Variants in LHFPL3 observed in about 807,000 individuals in gnomAD.
LHFPL3 encodes the protein LHFPL tetraspan subfamily member 3 protein.
Under a neutral mutation model 19.3 loss-of-function variants are expected in LHFPL3, and 5 were observed. That is an observed-to-expected ratio of 0.26 (90% CI 0.14 to 0.54). The LOEUF is 0.54. Among genes scored for constraint, LHFPL3 ranks in the 20% least tolerant of loss-of-function variants. LHFPL3 has a pLI of 0.94. For missense variants in LHFPL3, 249 were observed against 307.4 expected, an observed-to-expected ratio of 0.81 and a Z score of 1.42; for synonymous variants, 133 against 126.2, an observed-to-expected ratio of 1.05 and a Z score of -0.36.
intron 2 of LHFPL3, among the ~76,000 whole-genome samples, chr7:104,836,807 AT>A (rs1484926538): frequency 6.6e-6 from 1 of 152,078 alleles, no homozygotes; most frequent in Non-Finnish European, 1.5e-5. Flanking sequence ...ATATTTGACT[AT>A]TTTGGTTTGT....
intron 2 of LHFPL3, among the ~76,000 whole-genome samples, chr7:104,882,440 G>A (rs1322760964): frequency 6.6e-6 from 1 of 152,054 alleles, no homozygotes; most frequent in East Asian, 1.9e-4. Context: ...TAGAGACAAG[G>A]TTTCATCATG....
rs927912130 is a variant in LHFPL3, at chr7:104,465,023, C to G, written c.445+135799C>G. ...CTTTGCTACTTAGAAATTTCTTCCACCAGATACCCTATATCATCTCTCTCA... is the reference window on the plus strand; with the variant it reads ...CTTTGCTACTTAGAAATTTCTTCCAGCAGATACCCTATATCATCTCTCTCA... On this transcript the variant is annotated intron_variant, in intron 1 of 2. Coordinates refer to ENST00000424859, the MANE Select transcript of LHFPL3 (RefSeq NM_199000.3). Among the ~76,000 whole-genome samples, 3 of 152,182 alleles carry G rather than the reference C, an allele frequency of 2.0e-5. No individual in the cohort carries two copies. In the East Asian group the frequency reaches 5.8e-4, roughly 29 times the overall value.
At chr7:104,420,032 A>G (rs1396060709) in intron 1 of LHFPL3, among the ~76,000 whole-genome samples, 1 of 152,218 alleles carries the variant, frequency 6.6e-6, no homozygotes, top group East Asian at 1.9e-4. Context: ...GAGCTTCACT[A>G]TTAAAGAGCT....
chr7:104,736,233 T>A (rs951358556), intron 1 of LHFPL3, among the ~76,000 whole-genome samples: 3 of 152,228 alleles, frequency 2.0e-5, no homozygotes, highest in African/African-American at 7.2e-5. Context: ...GTACACACTC[T>A]AGTGTTTGCC....
chr7:104,900,894 T>C (rs896583980), intron 2 of LHFPL3, among the ~76,000 whole-genome samples: 2 of 152,244 alleles, frequency 1.3e-5, no homozygotes, highest in Non-Finnish European at 2.9e-5. Flanking sequence ...CAAAGCAGCA[T>C]TGAATGACTT....
chr7:104,899,979 G>A (rs1371142277), intron 2 of LHFPL3, among the ~76,000 whole-genome samples: 4 of 152,200 alleles, frequency 2.6e-5, no homozygotes, highest in African/African-American at 9.6e-5. Context: ...TGATTTGCCT[G>A]CCTTGGCCTC....
intron 2 of LHFPL3, among the ~76,000 whole-genome samples, chr7:104,855,644 G>C (rs577648171): frequency 1.6e-5 from 2 of 124,890 alleles, no homozygotes; most frequent in South Asian, 4.9e-4. Context: ...TTTTTTTTTA[G>C]TCGGAGCCTC....
At position 104,444,891 on chromosome 7, in the gene LHFPL3, G is replaced by A. The variant is rs534105080; in HGVS notation, c.445+115667G>A. ...TAATCCCAGCTACACGGGAGGCTAA[G>A]GCAGGAGAATCGCTTGAACCTGGGA... On this transcript the variant is annotated intron_variant, in intron 1 of 2. Coordinates refer to ENST00000424859, the MANE Select transcript of LHFPL3 (RefSeq NM_199000.3). Among the ~76,000 whole-genome samples, 4 of 152,246 alleles carry A rather than the reference G, an allele frequency of 2.6e-5. No homozygotes were observed. In the South Asian group the frequency reaches 8.3e-4, roughly 32 times the overall value.
intron 2 of LHFPL3, among the ~76,000 whole-genome samples, chr7:104,775,856 T>TC (rs1794628211): frequency 1.3e-5 from 2 of 151,630 alleles, no homozygotes; most frequent in Admixed American, 1.3e-4. Context: ...TTCTGTCTTT[T>TC]TTTTTTTTCT....
At chr7:104,623,491 A>G (rs6950457) in intron 1 of LHFPL3, among the ~76,000 whole-genome samples, 137,691 of 152,132 alleles carry the variant, frequency 0.91, 62,780 homozygotes, top group Non-Finnish European at 0.96. Context: ...CTAGCCGGGC[A>G]TGGTGGTGCA....
chr7:104,839,810 C>G (rs565255569), intron 2 of LHFPL3, among the ~76,000 whole-genome samples: 1 of 152,246 alleles, frequency 6.6e-6, no homozygotes, highest in African/African-American at 2.4e-5. Flanking sequence ...CTCATATTAC[C>G]TGATGGGTGT....
chr7:104,667,201 T>C (rs1205753717), intron 1 of LHFPL3, among the ~76,000 whole-genome samples: 1 of 151,628 alleles, frequency 6.6e-6, no homozygotes, highest in Non-Finnish European at 1.5e-5. Flanking sequence ...TGATTTTTGA[T>C]GAAACTTTTC....
At chr7:104,528,208 G>T (rs1562926496) in intron 1 of LHFPL3, among the ~76,000 whole-genome samples, 1 of 152,166 alleles carries the variant, frequency 6.6e-6, no homozygotes, top group Non-Finnish European at 1.5e-5. Context: ...TTTTCCTTTT[G>T]GGTATAACAG....
chr7:104,458,974 G>C (rs1051431196), intron 1 of LHFPL3, among the ~76,000 whole-genome samples: 23 of 152,212 alleles, frequency 1.5e-4, no homozygotes, highest in African/African-American at 5.3e-4. Flanking sequence ...AAGGATCTTG[G>C]CACCTAAGCT....
intron 1 of LHFPL3, among the ~76,000 whole-genome samples, chr7:104,574,303 C>T (rs1256033447): frequency 6.6e-6 from 1 of 152,188 alleles, no homozygotes; most frequent in African/African-American, 2.4e-5. Context: ...CCTGCATTCA[C>T]TTAAGTTCTA....
chr7:104,527,396 A>T (rs1168303576), intron 1 of LHFPL3, among the ~76,000 whole-genome samples: 1 of 152,118 alleles, frequency 6.6e-6, no homozygotes, highest in Non-Finnish European at 1.5e-5. Context: ...AGTTCATGAA[A>T]GTGTGTTCTT....
At chr7:104,558,729 G>A (rs1236967562) in intron 1 of LHFPL3, among the ~76,000 whole-genome samples, 2 of 150,144 alleles carry the variant, frequency 1.3e-5, no homozygotes, top group Non-Finnish European at 2.9e-5. Flanking sequence ...ATTGCTTTTG[G>A]TGTTTTAGAC....
chr7:104,620,060 A>ACTTGCCTGCCT, intron 1 of LHFPL3, among the ~76,000 whole-genome samples: 1 of 152,240 alleles, frequency 6.6e-6, no homozygotes, highest in Middle Eastern at 3.4e-3. Context: ...CTTGCCTGCC[A>ACTTGCCTGCCT]CTCACCTCCT....
rs763805118 is a variant in LHFPL3 at position 104,561,381 on chromosome 7, A to G, written c.446-175294A>G. Among the ~76,000 whole-genome samples the G allele has an allele frequency of 2.7e-5, 4 of 150,310 alleles. No homozygotes were observed. In the South Asian group the frequency reaches 6.3e-4, roughly 24 times the overall value. On this transcript the variant is annotated intron_variant, in intron 1 of 2. Transcript: ENST00000424859. The stretch of plus-strand genomic sequence containing the variant: ...CTTGGTGCTCCTGTATTGGGTGCAT[A>G]TATATTTAGGATAGTTAGCTCTTCT...
Sources: gnomAD v4.1 joint callset for allele counts (sites outside exome capture counted in the v4.1 genomes callset) on GRCh38, gnomAD v4.1.1 for gene constraint, MANE v1.5 for transcripts, NCBI Gene and HGNC (gene_info 2026-07-23, HGNC 2026-07-21) for gene names.